Variants in CEP63 observed in about 807,000 individuals in gnomAD.
The protein encoded by CEP63 is centrosomal protein of 63 kDa.
CEP63 carries 84 observed loss-of-function variants against 89.1 expected under a neutral mutation model. That is an observed-to-expected ratio of 0.94 (90% CI 0.79 to 1.13). CEP63 has a LOEUF of 1.13. CEP63 is among the 50% of genes most tolerant of loss of function. The probability of loss-of-function intolerance (pLI) is 0.00; values close to 1 mark genes in which losing one functional copy is unlikely to be tolerated. For missense variants in CEP63, 838 were observed against 813.3 expected (o/e 1.03, Z -0.37); for synonymous variants, 267 against 272.5 (o/e 0.98, Z 0.20).
intron 9 of CEP63, 88 bp from the exon 10 acceptor site, chr3:134,548,963 CTGGATATTTTT>C: frequency 1.3e-6 from 1 of 741,046 alleles, no homozygotes; most frequent in East Asian, 2.6e-5. Flanking sequence ...AAGATATTGG[CTGGATATTTTT>C]TGGATATCAA....
At position 134,558,130 on chromosome 3, in the gene CEP63, C is replaced by A. The variant is rs1025184222; in HGVS notation, c.1468-12C>A. 6.2e-6 allele frequency: 10 copies of A among 1,605,188 alleles called. No homozygotes were observed. In the East Asian group the frequency reaches 1.1e-4, roughly 18 times the overall value. On this transcript the variant is annotated splice_polypyrimidine_tract_variant and intron_variant, in intron 12 of 14. Transcript: ENST00000675561. ...GTACAGATTAAGTGACTCTAGTATT[C>A]TTTTTTATTAGGCAAAAGAGATTTC...
the CEP63 span, among the ~76,000 whole-genome samples, chr3:134,652,446 C>A: frequency 4.9e-4 from 74 of 150,252 alleles, no homozygotes; most frequent in African/African-American, 1.8e-3. Context: ...TTACCAGCGC[C>A]CCCCCCCACC....
At chr3:134,779,238 C>A in the CEP63 span, among the ~76,000 whole-genome samples, 3 of 152,080 alleles carry the variant, frequency 2.0e-5, no homozygotes, top group South Asian at 6.2e-4. Context: ...AAACAGGCAC[C>A]CAAGTCCCTA....
At chr3:134,620,887 G>C in the CEP63 span, 1 of 1,407,400 alleles carries the variant, frequency 7.1e-7, no homozygotes, top group African/African-American at 1.4e-5. Flanking sequence ...TGCTGTATTA[G>C]GGCCTCGAGG....
rs573286091 is a variant in CEP63, at chr3:134,512,604, TA to T, written c.222+5319del. ...CCCACCCCTCTGAACCTAGGATTCT[TA>T]CTTCTGTGAGGAGTAATTTCAAGCC... On this transcript the variant is annotated intron_variant, in intron 3 of 14. Coordinates refer to ENST00000675561, the MANE Select transcript of CEP63 (RefSeq NM_001353108.3). Among the ~76,000 whole-genome samples the T allele has an allele frequency of 5.5e-3, 835 of 152,362 alleles. 7 individuals are homozygous for T. The highest frequency in any genetic ancestry group is 0.019 in the African/African-American group (778 of 41,588).
the CEP63 span, among the ~76,000 whole-genome samples, chr3:134,720,177 C>A: frequency 6.6e-6 from 1 of 152,012 alleles, no homozygotes; most frequent in Non-Finnish European, 1.5e-5. Flanking sequence ...AAAGTGGTAT[C>A]TCATTGTGGT....
the CEP63 span, among the ~76,000 whole-genome samples, chr3:134,694,462 C>A: frequency 3.9e-5 from 6 of 152,208 alleles, no homozygotes; most frequent in Non-Finnish European, 1.5e-5. Context: ...CTGATCTACC[C>A]TGCTCATCTT....
the CEP63 span, among the ~76,000 whole-genome samples, chr3:134,623,498 C>T: frequency 4.6e-5 from 7 of 152,186 alleles, no homozygotes; most frequent in East Asian, 1.9e-4. Flanking sequence ...GCCTCCTTCT[C>T]GTATGTCCTC....
chr3:134,615,619 T>C, the CEP63 span, among the ~76,000 whole-genome samples: 4 of 152,008 alleles, frequency 2.6e-5, no homozygotes, highest in Admixed American at 6.5e-5. Context: ...TTTGCACCAG[T>C]GACATAACTC....
Position 134,546,203 on chromosome 3 carries a change from C to A in CEP63, c.844C>A (p.Leu282Ile). ...LKAALQSQEN[L>I]IHEARIQKEK... ...GGCAGCTCTTCAGTCTCAAGAAAAT[C>A]TCATACATGAGGCCAGAATACAAAA... Residue 282 changes from leucine (L) to isoleucine (I), a missense_variant, in exon 8 of 15, where the codon CTC becomes ATC. Coordinates refer to ENST00000675561, the MANE Select transcript of CEP63 (RefSeq NM_001353108.3). The A allele has an allele frequency of 6.2e-7, 1 of 1,613,872 alleles. No individual in the cohort carries two copies. The highest frequency in any genetic ancestry group is 8.5e-7 in the Non-Finnish European group (1 of 1,179,896).
chr3:134,490,480 A>G (rs1937228502), intron 1 of CEP63, among the ~76,000 whole-genome samples: 1 of 152,164 alleles, frequency 6.6e-6, no homozygotes. Context: ...GAAAGTGTAT[A>G]GTAAAATTAT....
rs756053708 is a variant in CEP63, at chr3:134,545,670, G to T, written c.640G>T (p.Glu214Ter). Reference sequence around the variant, plus strand: ...AATTCAACACTTAAGCAGTAAACTGGAGCGGGCTAATGACACTATCTGTGC... The same window carrying T: ...AATTCAACACTTAAGCAGTAAACTGTAGCGGGCTAATGACACTATCTGTGC... Reference protein sequence around the residue: ...SEIQHLSSKLERANDTICANE... With the variant: ...SEIQHLSSKL Residue 214 changes from glutamate (E) to a stop codon, truncating the protein, a stop_gained, in exon 7 of 15, where the codon GAG becomes TAG. Transcript: ENST00000675561. LOFTEE classifies it high-confidence loss of function. 3 of 1,614,140 alleles carry T rather than the reference G, an allele frequency of 1.9e-6. No individual in the cohort carries two copies. The East Asian group carries it at 6.7e-5, about 36-fold the overall frequency.
At chr3:134,610,306 C>G in the CEP63 span, 1 of 1,613,842 alleles carries the variant, frequency 6.2e-7, no homozygotes, top group Non-Finnish European at 8.5e-7. Flanking sequence ...GTCAAACTCC[C>G]CCGAGAAGCT....
Position 134,547,439 on chromosome 3 carries a change from T to A in CEP63, c.1034T>A (p.Leu345His), listed in dbSNP as rs756300470. The A allele has an allele frequency of 1.9e-6, 3 of 1,613,856 alleles. No individual in the cohort carries two copies. The highest frequency in any genetic ancestry group is 3.3e-5 in the Admixed American group (2 of 60,016). ...QLNFTHTSED[L>H]LQAEVTCLEG... ...AATTTTACCCATACTAGTGAGGACC[T>A]TCTGCAGGCAGAGGTGACTTGTCTT... is the stretch of plus-strand genomic sequence containing the variant. The change falls in exon 9 of 15, where the codon CTT becomes CAT. Residue 345 changes from leucine to histidine, a missense_variant. Coordinates refer to ENST00000675561, the MANE Select transcript of CEP63 (RefSeq NM_001353108.3).
At chr3:134,719,817 C>T in the CEP63 span, among the ~76,000 whole-genome samples, 11,000 of 152,162 alleles carry the variant, frequency 0.072, 727 homozygotes, top group African/African-American at 0.18. Flanking sequence ...TTCCTTCTTA[C>T]TGGCAAATAA....
the CEP63 span, among the ~76,000 whole-genome samples, chr3:134,684,017 T>A: frequency 6.6e-6 from 1 of 152,072 alleles, no homozygotes; most frequent in Non-Finnish European, 1.5e-5. Context: ...ATGGGGTGCA[T>A]AGTAACAATC....
chr3:134,570,031 C>G (rs1299055190), downstream of CEP63, among the ~76,000 whole-genome samples: 2 of 152,200 alleles, frequency 1.3e-5, no homozygotes, highest in African/African-American at 2.4e-5. Context: ...GCTGGAGTGG[C>G]TGGGACACAG....
intron 1 of CEP63, among the ~76,000 whole-genome samples, chr3:134,491,306 A>G (rs1937521730): frequency 6.6e-6 from 1 of 152,088 alleles, no homozygotes; most frequent in Non-Finnish European, 1.5e-5. Context: ...TTTAATTTGT[A>G]TTTCTCTTAT....
the CEP63 span, chr3:134,650,937 G>T: frequency 6.2e-7 from 1 of 1,613,354 alleles, no homozygotes. Context: ...TAGATACAGC[G>T]TTGATGTCCT....
Sources: gnomAD v4.1 joint callset for allele counts (sites outside exome capture counted in the v4.1 genomes callset) on GRCh38, gnomAD v4.1.1 for gene constraint, MANE v1.5 for transcripts, NCBI Gene and HGNC (gene_info 2026-07-23, HGNC 2026-07-21) for gene names.